ZNF90: variants seen among roughly 807,000 people sequenced by gnomAD.
The protein encoded by ZNF90 is zinc finger protein 90.
In ZNF90, 11 loss-of-function variants were observed where a neutral mutation model predicts 12.0. The ratio of observed to expected loss-of-function variants is 0.92; its 90% CI spans 0.58 to 1.52. ZNF90 has a LOEUF of 1.52. Ranked by LOEUF, ZNF90 falls within the 40% of genes most tolerant of loss-of-function variation. The pLI is 0.00. For synonymous variants in ZNF90, 232 were observed against 240.1 expected (o/e 0.97, Z 0.31); for missense variants, 765 against 711.5 (o/e 1.08, Z -0.86).
intron 1 of ZNF90, among the ~76,000 whole-genome samples, chr19:20,098,812 AG>A (rs530290424): frequency 6.2e-4 from 95 of 152,350 alleles, no homozygotes; most frequent in Non-Finnish European, 1.1e-3. Flanking sequence ...AAGAGAAACG[AG>A]TCATCCTGTG....
intron 1 of ZNF90, among the ~76,000 whole-genome samples, chr19:20,093,759 T>C (rs541518923): frequency 1.3e-5 from 2 of 152,164 alleles, no homozygotes; most frequent in South Asian, 2.1e-4. Flanking sequence ...GAAGGCAATG[T>C]GGAGTGGGTA....
Position 20,118,020 on chromosome 19 carries a change from A to G in ZNF90, c.466A>G (p.Ile156Val), listed in dbSNP as rs2089155837. ...TGATACATATGTGAAAGTCTCTCAT[A>G]TATTTTCAAATTCAAACAGACATAA... ...QCDTYVKVSH[I>V]FSNSNRHKIR... is the part of the protein sequence containing the mutation. The change falls in exon 4 of 4, where the codon ATA (isoleucine) becomes GTA (valine). Residue 156 changes from isoleucine (I) to valine (V), a missense_variant. Coordinates refer to ENST00000418063, the MANE Select transcript of ZNF90 (RefSeq NM_007138.2). The G allele has an allele frequency of 3.1e-6, 5 of 1,612,144 alleles. No individual in the cohort carries two copies. Among genetic ancestry groups the G allele is most frequent in the East Asian group, 4.5e-5 (2 of 44,838 alleles).
At chr19:20,093,860 G>A (rs146791302) in intron 1 of ZNF90, among the ~76,000 whole-genome samples, 8 of 150,042 alleles carry the variant, frequency 5.3e-5, no homozygotes, top group South Asian at 4.3e-4. Flanking sequence ...GGGGGCTTCC[G>A]AGGCGATCGG....
rs1555706174 is a variant in ZNF90, at chr19:20,118,872, C to G, written c.1318C>G (p.Leu440Val). 6.2e-7 allele frequency: 1 copy of G among 1,610,334 alleles called. No individual in the cohort carries two copies. Among genetic ancestry groups the G allele is most frequent in the African/African-American group, 1.3e-5 (1 of 74,676 alleles). ...CDKVFKRSSA[L>V]STHKIIHSGE... ...CAAAGTCTTCAAACGCTCCTCAGCCCTTAGCACACATAAGATAATTCATAG... is the reference window on the plus strand; with the variant it reads ...CAAAGTCTTCAAACGCTCCTCAGCCGTTAGCACACATAAGATAATTCATAG... The change falls in exon 4 of 4, where the codon CTT becomes GTT. Residue 440 changes from leucine to valine, a missense_variant. By Grantham distance (32) the Leu-to-Val change is conservative. Coordinates refer to ENST00000418063, the MANE Select transcript of ZNF90 (RefSeq NM_007138.2).
chr19:20,079,573 A>C (rs2088804918), intron 1 of ZNF90, among the ~76,000 whole-genome samples: 1 of 152,172 alleles, frequency 6.6e-6, no homozygotes, highest in Non-Finnish European at 1.5e-5. Flanking sequence ...GGAGCAAAGA[A>C]GTTTAGAAAG....
rs977647800 is a variant in ZNF90 at position 20,119,439 on chromosome 19, C to A, written c.*79C>A. 1.4e-5 allele frequency: 17 copies of A among 1,207,842 alleles called. No homozygotes were observed. In the Admixed American group the frequency reaches 2.9e-4, roughly 20 times the overall value. 74.8% of individuals were successfully genotyped at this position (1,207,842 alleles called of 1,614,324 possible). Reference sequence around the variant, plus strand: ...TATAAATGTGATGACTGTTGGAAAGCCTTTGACCACCCCTCTACTCTTACT... The same window carrying A: ...TATAAATGTGATGACTGTTGGAAAGACTTTGACCACCCCTCTACTCTTACT... On this transcript the variant is annotated 3_prime_UTR_variant, in exon 4 of 4. Coordinates refer to ENST00000418063, the MANE Select transcript of ZNF90 (RefSeq NM_007138.2).
intron 3 of ZNF90, among the ~76,000 whole-genome samples, chr19:20,116,064 G>C (rs969787050): frequency 3.3e-5 from 5 of 152,054 alleles, no homozygotes; most frequent in Non-Finnish European, 5.9e-5. Context: ...GTACAGACAG[G>C]GTTTCACCAT....
chr19:20,090,404 G>C (rs782243573), intron 1 of ZNF90, among the ~76,000 whole-genome samples: 3 of 152,188 alleles, frequency 2.0e-5, no homozygotes, highest in Non-Finnish European at 4.4e-5. Context: ...GTACTTAAGT[G>C]GGGGAGAGTA....
intron 2 of ZNF90, 88 bp from the exon 3 acceptor site, chr19:20,105,133 T>C: frequency 2.1e-6 from 2 of 957,498 alleles, no homozygotes; most frequent in Non-Finnish European, 2.9e-6. Flanking sequence ...ACTAGACTAT[T>C]TTATCACATC....
At chr19:20,087,167 G>A (rs2122480027) in intron 1 of ZNF90, 1 of 118,690 alleles carries the variant, frequency 8.4e-6, no homozygotes, top group African/African-American at 3.8e-5. Flanking sequence ...CATGCTGAGA[G>A]TAGCTTGCAC....
At chr19:20,090,713 C>T (rs1429408302) in intron 1 of ZNF90, among the ~76,000 whole-genome samples, 3 of 152,082 alleles carry the variant, frequency 2.0e-5, no homozygotes, top group African/African-American at 7.2e-5. Context: ...AAGATAGTCA[C>T]CTAGAGGGCT....
At chr19:20,114,216 G>A (rs552222560) in intron 3 of ZNF90, among the ~76,000 whole-genome samples, 19 of 152,294 alleles carry the variant, frequency 1.2e-4, no homozygotes, top group African/African-American at 3.8e-4. Context: ...GGTTAAACCC[G>A]GGAAGTGGAG....
At chr19:20,111,451 G>C (rs2089088187) in intron 3 of ZNF90, among the ~76,000 whole-genome samples, 1 of 151,954 alleles carries the variant, frequency 6.6e-6, no homozygotes, top group Non-Finnish European at 1.5e-5. Flanking sequence ...GAACTCCTGG[G>C]ATCAAGTGAT....
At position 20,118,039 on chromosome 19, in the gene ZNF90, G is replaced by T. The variant is rs2089156004; in HGVS notation, c.485G>T (p.Arg162Ile). Residue 162 changes from arginine (R) to isoleucine (I), a missense_variant, in exon 4 of 4, where the codon AGA becomes ATA. Physicochemically the swap from Arg to Ile is moderately conservative, Grantham distance 97. Coordinates refer to ENST00000418063, the MANE Select transcript of ZNF90 (RefSeq NM_007138.2). ...TCTCATATATTTTCAAATTCAAACA[G>T]ACATAAGATAAGAGATACTGGAAAA... ...KVSHIFSNSN[R>I]HKIRDTGKKP... 2 of 1,612,036 alleles carry T rather than the reference G, an allele frequency of 1.2e-6. No homozygotes were observed. Among genetic ancestry groups the T allele is most frequent in the East Asian group, 4.5e-5 (2 of 44,814 alleles).
intron 1 of ZNF90, among the ~76,000 whole-genome samples, chr19:20,080,909 C>A (rs2088815527): frequency 6.6e-6 from 1 of 152,162 alleles, no homozygotes; most frequent in South Asian, 2.1e-4. Flanking sequence ...CAAAAGATAT[C>A]ACGGAGGCCT....
rs1266382844 is a variant in ZNF90, at chr19:20,093,788, CAG to C, written c.4-10450_4-10449del. On this transcript the variant is annotated intron_variant, in intron 1 of 3. Coordinates refer to ENST00000418063, the MANE Select transcript of ZNF90 (RefSeq NM_007138.2). ...GTGGGTAGCCCCCGTATCGATTAAA[CAG>C]GGGATGGACTTACCCTCCACTGTGA... Among the ~76,000 whole-genome samples the C allele has an allele frequency of 6.6e-5, 10 of 152,238 alleles. No individual in the cohort carries two copies. The East Asian group carries it at 1.4e-3, about 21-fold the overall frequency.
In ZNF90 at chr19:20,078,681, CCTT is replaced by C. The variant is rs111869327; in HGVS notation, c.3+552_3+554del. Among the ~76,000 whole-genome samples, 270 of 152,176 alleles carry C rather than the reference CCTT, an allele frequency of 1.8e-3. 3 individuals carry two copies. The highest frequency in any genetic ancestry group is 6.4e-3 in the African/African-American group (266 of 41,528). On this transcript the variant is annotated intron_variant, in intron 1 of 3. Transcript: ENST00000418063. ...GGAAAAGTTGTAAATCACCCCTACCCCTTCTTCTCCCTTCTCCTTTTCTCACAA... is the reference window on the plus strand; with the variant it reads ...GGAAAAGTTGTAAATCACCCCTACCCCTTCTCCCTTCTCCTTTTCTCACAA...
At chr19:20,106,693 T>A (rs2089042165) in intron 3 of ZNF90, among the ~76,000 whole-genome samples, 1 of 152,216 alleles carries the variant, frequency 6.6e-6, no homozygotes, top group African/African-American at 2.4e-5. Context: ...GACCTCGTGA[T>A]CCACCCGCCT....
chr19:20,109,607 C>A (rs1190957083), intron 3 of ZNF90, among the ~76,000 whole-genome samples: 3 of 151,868 alleles, frequency 2.0e-5, no homozygotes, highest in Admixed American at 2.0e-4. Context: ...ATGGTTGTGG[C>A]TCTCGTCTGT....
Sources: allele counts gnomAD v4.1 joint callset (sites outside exome capture counted in the v4.1 genomes callset), GRCh38; gene constraint gnomAD v4.1.1; transcripts MANE v1.5; gene names NCBI Gene and HGNC (gene_info 2026-07-23, HGNC 2026-07-21).